EGFR: variants seen among roughly 807,000 people sequenced by gnomAD.
EGFR encodes the protein epidermal growth factor receptor.
EGFR carries 58 observed loss-of-function variants against 143.0 expected under a neutral mutation model. That is an observed-to-expected ratio of 0.41 (90% CI 0.33 to 0.50). The LOEUF is 0.50. Ranked by LOEUF, EGFR falls within the 20% of genes least tolerant of loss-of-function variation. The pLI, the probability that EGFR is intolerant of heterozygous loss-of-function variation, is 0.39. For missense variants in EGFR, 1,307 were observed against 1,579.0 expected (o/e 0.83, Z 2.92); for synonymous variants, 613 against 594.4 (o/e 1.03, Z -0.45).
intron 1 of EGFR, among the ~76,000 whole-genome samples, chr7:55,136,987 T>G (rs1316501993): frequency 6.6e-6 from 1 of 152,096 alleles, no homozygotes; most frequent in Admixed American, 6.6e-5. Flanking sequence ...TAGGGAAAGA[T>G]GGATAACAAA....
chr7:55,044,081 T>C (rs760284551), intron 1 of EGFR: 15 of 152,256 alleles, frequency 9.9e-5, no homozygotes, highest in Non-Finnish European at 1.5e-4. Context: ...CCTTCACTGC[T>C]GTAGAAACAA....
At chr7:55,087,784 C>T (rs554647703) in intron 1 of EGFR, among the ~76,000 whole-genome samples, 1 of 152,158 alleles carries the variant, frequency 6.6e-6, no homozygotes, top group East Asian at 1.9e-4. Flanking sequence ...ACAGCTGAGG[C>T]CTACAGGAAC....
At chr7:55,160,846 T>C (rs1023413980) in intron 12 of EGFR, among the ~76,000 whole-genome samples, 2 of 152,230 alleles carry the variant, frequency 1.3e-5, no homozygotes, top group African/African-American at 4.8e-5. Context: ...CCTCTGTCAA[T>C]TCCCTTAATC....
chr7:55,041,327 C>G (rs1787885508), intron 1 of EGFR, among the ~76,000 whole-genome samples: 1 of 152,146 alleles, frequency 6.6e-6, no homozygotes, highest in Non-Finnish European at 1.5e-5. Flanking sequence ...AGGAGAATCT[C>G]TTGAACCTGG....
chr7:55,157,355 C>A (rs944342689), intron 10 of EGFR, among the ~76,000 whole-genome samples: 2 of 152,198 alleles, frequency 1.3e-5, no homozygotes, highest in African/African-American at 2.4e-5. Context: ...GGCAGATAAT[C>A]GCAGCAGGAG....
chr7:55,211,105 G>A lies in EGFR; in HGVS notation c.*5488G>A, dbSNP rs956878665. The stretch of plus-strand genomic sequence containing the variant: ...CTGCACTACCTGCAGTGTGTCCTCT[G>A]AGGCTGCAAGTCTGTCCTATCTGAA... On this transcript the variant is annotated 3_prime_UTR_variant, in exon 28 of 28. Transcript: ENST00000275493. 1.3e-5 allele frequency: 2 copies of A among 152,180 alleles called. No individual in the cohort carries two copies. The highest frequency in any genetic ancestry group is 4.8e-5 in the African/African-American group (2 of 41,436). The allele number at this position is 152,180 out of a possible 1,614,324, so 9.4% of individuals were successfully genotyped here.
intron 1 of EGFR, among the ~76,000 whole-genome samples, chr7:55,116,673 G>A (rs1792868216): frequency 6.6e-6 from 1 of 152,162 alleles, no homozygotes; most frequent in East Asian, 1.9e-4. Flanking sequence ...GCTGCCTCCT[G>A]GGACAGGGCT....
rs372089798 is a variant in EGFR at position 55,186,005 on chromosome 7, G to C, written c.2469+4527G>C. Among the ~76,000 whole-genome samples the C allele has an allele frequency of 1.8e-3, 272 of 152,338 alleles. 2 individuals are homozygous for C. The highest frequency in any genetic ancestry group is 6.4e-3 in the African/African-American group (267 of 41,586). ...GCCTGTGAGCTGCTAATGGGAGGGA[G>C]AGGAAGATGAGCTGAGTGGGCCGGG... On this transcript the variant is annotated intron_variant, in intron 20 of 27. Transcript: ENST00000275493.
chr7:55,202,571 C>A lies in EGFR; in HGVS notation c.3217C>A (p.Pro1073Thr), dbSNP rs768226783. Residue 1073 changes from proline to threonine, a missense_variant, in exon 27 of 28, where the codon CCC becomes ACC. Physicochemically the swap from Pro to Thr is conservative, Grantham distance 38. Transcript: ENST00000275493. Reference sequence around the variant, plus strand: ...CTTCTTGCAGCGATACAGCTCAGACCCCACAGGCGCCTTGACTGAGGACAG... The same window carrying A: ...CTTCTTGCAGCGATACAGCTCAGACACCACAGGCGCCTTGACTGAGGACAG... The part of the protein sequence containing the change: ...DSFLQRYSSD[P>T]TGALTEDSID... 1 of 1,613,440 alleles carries A rather than the reference C, an allele frequency of 6.2e-7. No homozygotes were observed. The highest frequency in any genetic ancestry group is 1.1e-5 in the South Asian group (1 of 90,872).
intron 1 of EGFR, among the ~76,000 whole-genome samples, chr7:55,105,280 A>G (rs1348741020): frequency 6.6e-6 from 1 of 152,256 alleles, no homozygotes; most frequent in Non-Finnish European, 1.5e-5. Flanking sequence ...GTGGCTGAGA[A>G]GAGTGGGGAA....
At chr7:55,090,125 C>T (rs1001214643) in intron 1 of EGFR, among the ~76,000 whole-genome samples, 4 of 152,080 alleles carry the variant, frequency 2.6e-5, no homozygotes, top group African/African-American at 4.8e-5. Context: ...CGTGCCACCA[C>T]GCCCAGCTAA....
intron 1 of EGFR, among the ~76,000 whole-genome samples, chr7:55,021,758 A>G (rs12718937): frequency 6.6e-6 from 1 of 151,988 alleles, no homozygotes. Flanking sequence ...TCTTAGAGGT[A>G]ATGACTGCCA....
chr7:55,083,692 A>G (rs1790599729), intron 1 of EGFR, among the ~76,000 whole-genome samples: 1 of 152,268 alleles, frequency 6.6e-6, no homozygotes, highest in African/African-American at 2.4e-5. Flanking sequence ...TCTTCCTGAA[A>G]AAAAATGGCT....
At chr7:55,194,530 C>T (rs1286171068) in intron 22 of EGFR, among the ~76,000 whole-genome samples, 1 of 152,202 alleles carries the variant, frequency 6.6e-6, no homozygotes, top group Non-Finnish European at 1.5e-5. Flanking sequence ...ATTCTCTGCT[C>T]AACATCTTTC....
chr7:55,074,197 C>T (rs1790004172), intron 1 of EGFR, among the ~76,000 whole-genome samples: 1 of 152,248 alleles, frequency 6.6e-6, no homozygotes, highest in Non-Finnish European at 1.5e-5. Context: ...CCCCACCCTT[C>T]CTGCTCACTC....
intron 3 of EGFR, among the ~76,000 whole-genome samples, chr7:55,143,933 G>A (rs1794613756): frequency 6.6e-6 from 1 of 152,176 alleles, no homozygotes; most frequent in Non-Finnish European, 1.5e-5. Flanking sequence ...AAAGCCCTGT[G>A]TAAGTTAAGG....
In EGFR at chr7:55,205,451, A is replaced by C. The variant is rs149174093; in HGVS notation, c.3467A>C (p.His1156Pro). The C allele has an allele frequency of 9.7e-5, 157 of 1,614,150 alleles. 2 individuals are homozygous for C. The African/African-American group carries it at 1.9e-3, about 19-fold the overall frequency. ...AACAGCACATTCGACAGCCCTGCCC[A>C]CTGGGCCCAGAAAGGCAGCCACCAA... ...CVNSTFDSPAHWAQKGSHQIS... is the reference protein window; with the variant it reads ...CVNSTFDSPAPWAQKGSHQIS... Residue 1156 changes from histidine (H) to proline (P), a missense_variant, in exon 28 of 28, where the codon CAC (histidine) becomes CCC (proline). His to Pro is a moderately conservative substitution (Grantham distance 77). Coordinates refer to ENST00000275493, the MANE Select transcript of EGFR (RefSeq NM_005228.5).
chr7:55,061,647 T>A (rs62449590), intron 1 of EGFR, among the ~76,000 whole-genome samples: 1,146 of 99,616 alleles, frequency 0.012, 15 homozygotes, highest in African/African-American at 0.037. Context: ...TGTGTGTGTG[T>A]GTGAGAGAGA....
intron 1 of EGFR, among the ~76,000 whole-genome samples, chr7:55,053,489 T>G (rs1788609569): frequency 6.6e-6 from 1 of 152,228 alleles, no homozygotes. Context: ...CTCTTAGATT[T>G]TCTAAGTTGG....
Sources: allele counts gnomAD v4.1 joint callset (sites outside exome capture counted in the v4.1 genomes callset), GRCh38; gene constraint gnomAD v4.1.1; transcripts MANE v1.5; gene names NCBI Gene and HGNC (gene_info 2026-07-23, HGNC 2026-07-21).